Variants in GPM6A observed in about 807,000 individuals in gnomAD.
GPM6A encodes the protein glycoprotein M6A.
Under a neutral mutation model 32.1 loss-of-function variants are expected in GPM6A, and 7 were observed. The ratio of observed to expected loss-of-function variants is 0.22; its 90% CI spans 0.12 to 0.41. The LOEUF (loss-of-function observed/expected upper bound fraction) is 0.41. Among genes scored for constraint, GPM6A ranks in the 10% least tolerant of loss-of-function variants. The probability of loss-of-function intolerance (pLI) is 1.00; values close to 1 mark genes in which losing one functional copy is unlikely to be tolerated. For synonymous variants in GPM6A, 130 were observed against 123.4 expected, an observed-to-expected ratio of 1.05 and a Z score of -0.35; for missense variants, 235 against 347.2, an observed-to-expected ratio of 0.68 and a Z score of 2.57.
At chr4:175,928,965 A>G (rs1738936681) in intron 1 of GPM6A, among the ~76,000 whole-genome samples, 2 of 152,346 alleles carry the variant, frequency 1.3e-5, no homozygotes, top group Admixed American at 1.3e-4. Flanking sequence ...GCACATTTCA[A>G]CAATATTCAT....
Position 175,842,620 on chromosome 4 carries a change from C to T in GPM6A, c.-22-30371G>A, listed in dbSNP as rs537776447. Reference sequence around the variant, plus strand: ...CCTCCAGCCACCCTGAAGGCTGAGCCTAGGAGTTCAATGCTTCAGTGAGCC... The same window carrying T: ...CCTCCAGCCACCCTGAAGGCTGAGCTTAGGAGTTCAATGCTTCAGTGAGCC... On this transcript the variant is annotated intron_variant, in intron 1 of 7. Coordinates refer to the GPM6A transcript ENST00000280187. 8.5e-5 allele frequency among the ~76,000 whole-genome samples: 13 copies of T among 152,242 alleles called. No homozygotes were observed. In the South Asian group the frequency reaches 2.7e-3, roughly 32 times the overall value.
chr4:175,827,005 G>T (rs1486562755), intron 1 of GPM6A, among the ~76,000 whole-genome samples: 2 of 152,106 alleles, frequency 1.3e-5, no homozygotes, highest in African/African-American at 4.8e-5. Context: ...ACAAGGTGAA[G>T]TCACTGCACT....
At chr4:175,762,952 T>A (rs1732809441) in intron 1 of GPM6A, among the ~76,000 whole-genome samples, 1 of 151,384 alleles carries the variant, frequency 6.6e-6, no homozygotes, top group Non-Finnish European at 1.5e-5. Context: ...AGGTAGGAGG[T>A]TTTTCTCTGG....
chr4:175,647,581 C>T (rs1741532692), intron 4 of GPM6A, among the ~76,000 whole-genome samples: 1 of 152,070 alleles, frequency 6.6e-6, no homozygotes, highest in Admixed American at 6.6e-5. Flanking sequence ...TATACCTCCA[C>T]TAAGTAGGTA....
chr4:175,923,079 A>G (rs1738718298), intron 1 of GPM6A, among the ~76,000 whole-genome samples: 1 of 151,900 alleles, frequency 6.6e-6, no homozygotes, highest in Non-Finnish European at 1.5e-5. Flanking sequence ...ATACTATATT[A>G]TTCATATAAA....
At position 175,633,704 on chromosome 4, in the gene GPM6A, CT is replaced by C. The variant is rs1269284348; in HGVS notation, c.*1200del. On this transcript the variant is annotated 3_prime_UTR_variant, in exon 7 of 7. Transcript: ENST00000393658. ...TGTTAAAATTCCTTTGATACAGGTA[CT>C]TTTTATAAATGAATATGAATGAACA... The C allele has an allele frequency of 1.3e-5, 2 of 152,386 alleles. No homozygotes were observed. Among genetic ancestry groups the C allele is most frequent in the African/African-American group, 4.8e-5 (2 of 41,418 alleles). 9.4% of individuals were successfully genotyped at this position (152,386 alleles called of 1,614,324 possible). A position where few individuals can be genotyped will look rare whatever the true frequency, so the allele number is the denominator to read the frequency against.
At chr4:175,663,680 T>C (rs1184112240) in intron 3 of GPM6A, among the ~76,000 whole-genome samples, 1 of 149,682 alleles carries the variant, frequency 6.7e-6, no homozygotes. Context: ...AATCAATCAA[T>C]TGGTAAAATG....
chr4:175,984,010 GTC>G (rs1213976224), intron 1 of GPM6A, among the ~76,000 whole-genome samples: 4 of 135,024 alleles, frequency 3.0e-5, no homozygotes, highest in African/African-American at 8.4e-5. Context: ...CTCTCTCTCT[GTC>G]TCTCTCTCTG....
At chr4:175,717,386 C>T (rs1248238702) in intron 1 of GPM6A, among the ~76,000 whole-genome samples, 2 of 152,198 alleles carry the variant, frequency 1.3e-5, no homozygotes, top group African/African-American at 4.8e-5. Flanking sequence ...GTAGAATTCT[C>T]TTGATCATAA....
chr4:175,851,300 C>A (rs915992322), intron 1 of GPM6A, among the ~76,000 whole-genome samples: 1 of 152,074 alleles, frequency 6.6e-6, no homozygotes, highest in African/African-American at 2.4e-5. Flanking sequence ...GCCTGGCCAA[C>A]ATGGTGAAAT....
chr4:175,935,566 C>T (rs1293500037), intron 1 of GPM6A, among the ~76,000 whole-genome samples: 1 of 152,034 alleles, frequency 6.6e-6, no homozygotes, highest in African/African-American at 2.4e-5. Flanking sequence ...TTAAAAAAAT[C>T]CCCATTTTCA....
chr4:175,919,823 A>G (rs899556208), intron 1 of GPM6A, among the ~76,000 whole-genome samples: 2 of 152,200 alleles, frequency 1.3e-5, no homozygotes, highest in South Asian at 4.1e-4. Flanking sequence ...TCAGTCTGAA[A>G]TCTTACTGCT....
intron 1 of GPM6A, among the ~76,000 whole-genome samples, chr4:175,720,463 T>G (rs891053498): frequency 2.6e-5 from 4 of 152,182 alleles, no homozygotes; most frequent in African/African-American, 9.7e-5. Flanking sequence ...AAATGCTAAA[T>G]AAAACATTAG....
intron 2 of GPM6A, among the ~76,000 whole-genome samples, chr4:175,698,587 G>T (rs191085224): frequency 2.6e-5 from 4 of 151,994 alleles, no homozygotes; most frequent in African/African-American, 9.7e-5. Context: ...GGCACTAATC[G>T]TATTAAGAGG....
intron 1 of GPM6A, among the ~76,000 whole-genome samples, chr4:175,985,498 T>G (rs1395677075): frequency 1.3e-5 from 2 of 152,208 alleles, no homozygotes; most frequent in African/African-American, 4.8e-5. Flanking sequence ...GACAAGTGCA[T>G]TGTCTTGATT....
intron 1 of GPM6A, among the ~76,000 whole-genome samples, chr4:175,827,226 T>C (rs1454216099): frequency 1.3e-5 from 2 of 152,146 alleles, no homozygotes; most frequent in Non-Finnish European, 2.9e-5. Context: ...CAGTGAAGCA[T>C]GTATGCTGTA....
intron 3 of GPM6A, among the ~76,000 whole-genome samples, chr4:175,661,416 C>G (rs1391258957): frequency 7.8e-6 from 1 of 127,536 alleles, no homozygotes; most frequent in Non-Finnish European, 1.6e-5. Context: ...GCCTGGATGA[C>G]AGAGTGAGAC....
At chr4:175,903,864 C>T (rs1283565979) in intron 1 of GPM6A, among the ~76,000 whole-genome samples, 5 of 151,992 alleles carry the variant, frequency 3.3e-5, no homozygotes, top group African/African-American at 1.2e-4. Context: ...GACAGCCAGC[C>T]AAAGCGAATA....
intron 1 of GPM6A, among the ~76,000 whole-genome samples, chr4:175,931,709 C>CACACATATATATATATATATATATAT (rs1324269132): frequency 1.5e-5 from 2 of 129,332 alleles, no homozygotes; most frequent in African/African-American, 5.7e-5. Flanking sequence ...CACACACACA[C>CACACATATATATATATATATATATAT]ATATATATAT....
Sources: allele counts gnomAD v4.1 joint callset (sites outside exome capture counted in the v4.1 genomes callset), GRCh38; gene constraint gnomAD v4.1.1; transcripts MANE v1.5; gene names NCBI Gene and HGNC (gene_info 2026-07-23, HGNC 2026-07-21).